The following LRIT3 variants were observed in gnomAD, a reference collection of about 807,000 sequenced individuals.
The protein encoded by LRIT3 is leucine-rich repeat, immunoglobulin-like domain and transmembrane domain-containing protein 3.
A neutral mutation model predicts 22.6 loss-of-function variants in LRIT3; 14 were observed. The ratio of observed to expected loss-of-function variants is 0.62; its 90% CI spans 0.41 to 0.97. The LOEUF (loss-of-function observed/expected upper bound fraction) is 0.97, where lower values mean the gene tolerates loss of function less well. LRIT3 is among the 50% of genes least tolerant of loss of function. The pLI is 0.00. For synonymous variants in LRIT3, 306 were observed against 304.5 expected (o/e 1.01, Z -0.05); for missense variants, 783 against 803.0 (o/e 0.98, Z 0.30).
chr4:109,865,294 A>G (rs748514303), intron 2 of LRIT3: 1 of 1,600,144 alleles, frequency 6.2e-7, no homozygotes, highest in Admixed American at 1.7e-5. Context: ...GTCATTTCCT[A>G]TTACTTTTAA....
chr4:109,864,105 T>C (rs894875112), intron 2 of LRIT3, among the ~76,000 whole-genome samples: 1 of 152,186 alleles, frequency 6.6e-6, no homozygotes, highest in Non-Finnish European at 1.5e-5. Context: ...AAAATAGCTA[T>C]GATGAGCATA....
chr4:109,868,733 A>G (rs1180513133), intron 3 of LRIT3, among the ~76,000 whole-genome samples: 1 of 152,102 alleles, frequency 6.6e-6, no homozygotes, highest in East Asian at 1.9e-4. Flanking sequence ...TTTGTGCCCA[A>G]TTTCAAGAGT....
At position 109,869,880 on chromosome 4, in the gene LRIT3, A is replaced by C. The variant is rs747984845; in HGVS notation, c.1131A>C (p.Thr377=). ...WDVQPGSGRS[T]SVSSASSYLW... ...TCCAGCCGGGATCTGGAAGATCTAC[A>C]TCTGTATCTAGCGCATCATCATATC... Residue 377 remains threonine (T), a synonymous_variant, in exon 4 of 4, where the codon ACA becomes ACC. Transcript: ENST00000594814. 4.1e-5 allele frequency: 66 copies of C among 1,614,040 alleles called. No individual in the cohort carries two copies. Among genetic ancestry groups the C allele is most frequent in the Non-Finnish European group, 5.2e-5 (61 of 1,180,040 alleles).
Position 109,870,816 on chromosome 4 carries a change from C to T in LRIT3, c.*27C>T, listed in dbSNP as rs1579384115. On this transcript the variant is annotated 3_prime_UTR_variant, in exon 4 of 4. Coordinates refer to ENST00000594814, the MANE Select transcript of LRIT3 (RefSeq NM_198506.5). Reference sequence around the variant, plus strand: ...GTTCTGCAGCTCAGGTGCATGTGAGCTACAAAACTAGCATCTAAGGGTATA... The same window carrying T: ...GTTCTGCAGCTCAGGTGCATGTGAGTTACAAAACTAGCATCTAAGGGTATA... 1 of 1,543,858 alleles carries T rather than the reference C, an allele frequency of 6.5e-7. No individual in the cohort carries two copies. Among genetic ancestry groups the T allele is most frequent in the East Asian group, 2.3e-5 (1 of 44,138 alleles).
chr4:109,865,258 C>T lies in LRIT3; in HGVS notation c.590-2383C>T, dbSNP rs139682096. On this transcript the variant is annotated intron_variant, in intron 2 of 3. Coordinates refer to ENST00000594814, the MANE Select transcript of LRIT3 (RefSeq NM_198506.5). The stretch of plus-strand genomic sequence containing the variant: ...CTAATGGTTGAGCCTCATCAGGAAC[C>T]CAGGCACAGTAAAGTTGGTGAGAAT... 8 of 1,579,894 alleles carry T rather than the reference C, an allele frequency of 5.1e-6. No individual in the cohort carries two copies. The South Asian group carries it at 9.2e-5, about 18-fold the overall frequency.
chr4:109,870,739 T>C lies in LRIT3; in HGVS notation c.1990T>C (p.Ser664Pro). The change falls in exon 4 of 4, where the codon TCT becomes CCT. Residue 664 changes from serine to proline, a missense_variant. Ser to Pro is a moderately conservative substitution (Grantham distance 74). This residue lies in a region of LRIT3 where 756 missense variants were observed against 753.8 expected (regional missense o/e 1.00). Transcript: ENST00000594814. The part of the protein sequence containing the change: ...LLLCSRSSVE[S>P]QVTFKSEGSR... ...GCTTTGTTCTAGGTCAAGTGTGGAA[T>C]CTCAGGTGACTTTTAAAAGTGAAGG... 1 of 1,613,000 alleles carries C rather than the reference T, an allele frequency of 6.2e-7. No individual in the cohort carries two copies. Among genetic ancestry groups the C allele is most frequent in the African/African-American group, 1.3e-5 (1 of 74,968 alleles).
At chr4:109,855,233 A>G (rs992639834) in intron 2 of LRIT3, among the ~76,000 whole-genome samples, 1 of 152,048 alleles carries the variant, frequency 6.6e-6, no homozygotes, top group African/African-American at 2.4e-5. Context: ...TTATTTGTCT[A>G]TTCAGGGATT....
chr4:109,858,502 CAGG>C (rs1319076078), intron 2 of LRIT3, among the ~76,000 whole-genome samples: 1 of 152,124 alleles, frequency 6.6e-6, no homozygotes, highest in African/African-American at 2.4e-5. Context: ...GTAATCTAAA[CAGG>C]AGATTGATGT....
At chr4:109,865,361 A>G (rs7679303) in intron 2 of LRIT3, 913,640 of 1,454,818 alleles carry the variant, frequency 0.63, 289,889 homozygotes, top group Non-Finnish European at 0.65. Flanking sequence ...ACTAATACGT[A>G]CAATAATGAC....
rs1171238392 is a variant in LRIT3, at chr4:109,851,666, G to T, written c.279G>T (p.Val93=). 1 of 1,551,658 alleles carries T rather than the reference G, an allele frequency of 6.4e-7. No homozygotes were observed. The highest frequency in any genetic ancestry group is 1.2e-5 in the South Asian group (1 of 84,060). ...LQYLWVTYNS[V]ASIDPSSFYN... ...ATCTCTGGGTGACTTACAATTCCGT[G>T]GCCAGCATTGACCCCAGCAGCTTTT... The change falls in exon 2 of 4, where the codon GTG becomes GTT. Residue 93 remains valine (V), a synonymous_variant. Coordinates refer to ENST00000594814, the MANE Select transcript of LRIT3 (RefSeq NM_198506.5).
At position 109,869,712 on chromosome 4, in the gene LRIT3, A is replaced by G; in HGVS notation, c.963A>G (p.Lys321=). 1 of 1,605,428 alleles carries G rather than the reference A, an allele frequency of 6.2e-7. No homozygotes were observed. Among genetic ancestry groups the G allele is most frequent in the Non-Finnish European group, 8.5e-7 (1 of 1,175,428 alleles). ...TGAGCTTGACAGGCATTTCTTCCAA[A>G]GACGCTGGGGATTACAAATGTAAGG... ...SIMSLTGISS[K]DAGDYKCKAK... Residue 321 remains lysine (K), a synonymous_variant, in exon 4 of 4, where the codon AAA becomes AAG. Transcript: ENST00000594814.
rs186693591 is a variant in LRIT3, at chr4:109,853,799, G to A, written c.589+1823G>A. 1.8e-3 allele frequency among the ~76,000 whole-genome samples: 278 copies of A among 152,232 alleles called. 2 individuals are homozygous for A. The highest frequency in any genetic ancestry group is 6.1e-3 in the African/African-American group (254 of 41,542). Reference sequence around the variant, plus strand: ...GGAAAGGGTGCAGTTTCAGTTTTCTGCATATGGCTAGCCAGTTTTCCCAAC... The same window carrying A: ...GGAAAGGGTGCAGTTTCAGTTTTCTACATATGGCTAGCCAGTTTTCCCAAC... On this transcript the variant is annotated intron_variant, in intron 2 of 3. Coordinates refer to ENST00000594814, the MANE Select transcript of LRIT3 (RefSeq NM_198506.5).
intron 3 of LRIT3, among the ~76,000 whole-genome samples, chr4:109,869,141 C>G (rs1734757705): frequency 6.6e-6 from 1 of 152,132 alleles, no homozygotes; most frequent in Admixed American, 6.5e-5. Flanking sequence ...AGAAAATGAT[C>G]TGCTGTACCT....
At chr4:109,856,899 A>G (rs1194822463) in intron 2 of LRIT3, among the ~76,000 whole-genome samples, 1 of 152,168 alleles carries the variant, frequency 6.6e-6, no homozygotes, top group Non-Finnish European at 1.5e-5. Flanking sequence ...TCACCGTAAC[A>G]GCAATCAAGC....
Position 109,867,636 on chromosome 4 carries a change from T to C in LRIT3, c.590-5T>C. 1 of 1,609,200 alleles carries C rather than the reference T, an allele frequency of 6.2e-7. No homozygotes were observed. Among genetic ancestry groups the C allele is most frequent in the Non-Finnish European group, 8.5e-7 (1 of 1,176,302 alleles). On this transcript the variant is annotated splice_region_variant and splice_polypyrimidine_tract_variant and intron_variant, in intron 2 of 3. Transcript: ENST00000594814. ...TTTGTCAACCTTTCCCACCTTCTGTTTTAGGTCTACAGGACAATCCTTGGT... is the reference window on the plus strand; with the variant it reads ...TTTGTCAACCTTTCCCACCTTCTGTCTTAGGTCTACAGGACAATCCTTGGT...
intron 1 of LRIT3, among the ~76,000 whole-genome samples, chr4:109,850,329 T>C (rs993212969): frequency 3.3e-5 from 5 of 151,570 alleles, no homozygotes; most frequent in African/African-American, 9.7e-5. Flanking sequence ...CCTCATACTT[T>C]AAATTTACAC....
chr4:109,850,402 C>CTTTCTTTCTCTTTCTTTCTTT (rs1560588814), intron 1 of LRIT3, among the ~76,000 whole-genome samples: 3 of 772 alleles, frequency 3.9e-3, no homozygotes, highest in Non-Finnish European at 7.1e-3. Context: ...TTCCTTCCTT[C>CTTTCTTTCTCTTTCTTTCTTT]CTTCCTTCCT....
At chr4:109,866,481 C>A (rs145698996) in intron 2 of LRIT3, among the ~76,000 whole-genome samples, 11 of 152,202 alleles carry the variant, frequency 7.2e-5, no homozygotes, top group African/African-American at 2.6e-4. Context: ...TTTGGAGAGG[C>A]CGAGAATAAG....
intron 2 of LRIT3, among the ~76,000 whole-genome samples, chr4:109,864,881 G>A (rs2125900287): frequency 6.6e-6 from 1 of 152,262 alleles, no homozygotes; most frequent in East Asian, 1.9e-4. Flanking sequence ...CATTTGAACT[G>A]TGTATCAATG....
Sources: allele counts gnomAD v4.1 joint callset (sites outside exome capture counted in the v4.1 genomes callset), GRCh38; gene constraint gnomAD v4.1.1; regional missense constraint gnomAD v4.1.1; transcripts MANE v1.5; gene names NCBI Gene and HGNC (gene_info 2026-07-23, HGNC 2026-07-21).